CDH23: variants seen among roughly 807,000 people sequenced by gnomAD.
CDH23 encodes cadherin related 23.
In CDH23, 189 loss-of-function variants were observed where a neutral mutation model predicts 317.1. The ratio of observed to expected loss-of-function variants is 0.60; its 90% CI spans 0.53 to 0.67. The LOEUF is 0.67. Ranked by LOEUF, CDH23 falls within the 30% of genes least tolerant of loss-of-function variation. The pLI is 0.00. For synonymous variants in CDH23, 1,839 were observed against 1,876.8 expected (o/e 0.98, Z 0.52); for missense variants, 4,401 against 4,592.4 (o/e 0.96, Z 1.20).
intron 1 of CDH23, among the ~76,000 whole-genome samples, chr10:71,420,509 GTGATGATGGTGAAGGTGA>G (rs1848746657): frequency 6.3e-5 from 1 of 15,810 alleles, no homozygotes. Flanking sequence ...AATGGTGATG[GTGATGATGGTGAAGGTGA>G]TGATGATGAT....
chr10:71,655,313 A>T (rs1406418050), intron 14 of CDH23, among the ~76,000 whole-genome samples: 1 of 149,868 alleles, frequency 6.7e-6, no homozygotes, highest in African/African-American at 2.5e-5. Context: ...TACCCCTCAC[A>T]CCCTTCTCTC....
rs764784420 is a variant in CDH23, at chr10:71,805,981, C to T, written c.8048C>T (p.Ser2683Leu). ...IQTAQRLDRE[S>L]QAVYSLILVA... ...ACTGCTCAGCGCCTGGACCGCGAGT[C>T]GCAGGCGGTGTACAGCGTAAGGGCG... The change falls in exon 56 of 70, where the codon TCG becomes TTG. Residue 2683 changes from serine (S) to leucine (L), a missense_variant. Ser to Leu is a moderately radical substitution (Grantham distance 145, BLOSUM62 -2). This residue lies in a region of CDH23 where 1,144 missense variants were observed against 1,138.2 expected (regional missense o/e 1.01). Transcript: ENST00000224721. 5 of 1,606,986 alleles carry T rather than the reference C, an allele frequency of 3.1e-6. No individual in the cohort carries two copies. Among genetic ancestry groups the T allele is most frequent in the Admixed American group, 3.4e-5 (2 of 59,626 alleles).
chr10:71,693,912 C>T (rs1865276524), intron 20 of CDH23, among the ~76,000 whole-genome samples: 1 of 152,174 alleles, frequency 6.6e-6, no homozygotes, highest in African/African-American at 2.4e-5. Flanking sequence ...ATTTCCTCCT[C>T]ATGGGGTTAT....
rs763437495 is a variant in CDH23 at position 71,675,164 on chromosome 10, A to G, written c.1502A>G (p.Asp501Gly). The G allele has an allele frequency of 5.0e-6, 8 of 1,613,796 alleles. No homozygotes were observed. In the Admixed American group the frequency reaches 1.3e-4, roughly 27 times the overall value. Residue 501 changes from aspartate (D) to glycine (G), a missense_variant, in exon 15 of 70, where the codon GAT becomes GGT. Transcript: ENST00000224721. Reference sequence around the variant, plus strand: ...GGGGAAGTCAGCTACTTCTTCAGTGATGACCCTGACAGGTGAGACTCTGCC... The same window carrying G: ...GGGGAAGTCAGCTACTTCTTCAGTGGTGACCCTGACAGGTGAGACTCTGCC... ...TFGEVSYFFS[D>G]DPDRFSLDKD...
intron 1 of CDH23, among the ~76,000 whole-genome samples, chr10:71,402,363 C>T (rs554068885): frequency 2.2e-4 from 34 of 152,286 alleles, no homozygotes; most frequent in African/African-American, 7.9e-4. Context: ...GCATTCACTT[C>T]GTGATTTTCA....
chr10:71,430,932 C>T (rs1849341210), intron 1 of CDH23, among the ~76,000 whole-genome samples: 1 of 152,178 alleles, frequency 6.6e-6, no homozygotes, highest in Non-Finnish European at 1.5e-5. Flanking sequence ...TGAAATGGAA[C>T]AGTCCTCAGG....
At chr10:71,518,774 G>T (rs1344493736) in intron 6 of CDH23, among the ~76,000 whole-genome samples, 1 of 152,184 alleles carries the variant, frequency 6.6e-6, no homozygotes, top group Non-Finnish European at 1.5e-5. Flanking sequence ...TGGTTCTTAG[G>T]TGCCAAGGAG....
At position 71,397,207 on chromosome 10, in the gene CDH23, G is replaced by A; in HGVS notation, c.-117G>A. 4.1e-6 allele frequency: 1 copy of A among 244,054 alleles called. No individual in the cohort carries two copies. 15.1% of individuals were successfully genotyped at this position (244,054 alleles called of 1,614,324 possible). A position where few individuals can be genotyped will look rare whatever the true frequency, so the allele number is the denominator to read the frequency against. ...GCCGCGGATGAGCCTTCGCGCCGGC[G>A]GGAAGACGCGGCGGTGGCCAGGGCC... On this transcript the variant is annotated 5_prime_UTR_variant, in exon 1 of 70. Coordinates refer to ENST00000224721, the MANE Select transcript of CDH23 (RefSeq NM_022124.6). The surrounding 1 kb of genome is among the most constrained non-coding windows in gnomAD (Gnocchi z 4.8).
At chr10:71,428,271 G>A (rs1390825904) in intron 1 of CDH23, among the ~76,000 whole-genome samples, 1 of 150,884 alleles carries the variant, frequency 6.6e-6, no homozygotes, top group African/African-American at 2.4e-5. Flanking sequence ...CTGAGTAGCT[G>A]GAATTACAGG....
intron 11 of CDH23, among the ~76,000 whole-genome samples, chr10:71,627,869 A>G (rs188647558): frequency 4.3e-4 from 65 of 152,292 alleles, no homozygotes; most frequent in Admixed American, 1.1e-3. Flanking sequence ...GAAGACCCCA[A>G]TGGGAATCAG....
At chr10:71,813,192 C>G in intron 68 of CDH23, 52 bp from the exon 69 acceptor site, 1 of 1,488,696 alleles carries the variant, frequency 6.7e-7, no homozygotes. Flanking sequence ...GGGCGAGGGG[C>G]GGGGCAGGCA....
chr10:71,677,713 T>C lies in CDH23; in HGVS notation c.1752+20T>C. 6.6e-7 allele frequency: 1 copy of C among 1,521,354 alleles called. No individual in the cohort carries two copies. The highest frequency in any genetic ancestry group is 8.9e-7 in the Non-Finnish European group (1 of 1,119,532). 94.2% of individuals were successfully genotyped at this position (1,521,354 alleles called of 1,614,324 possible). On this transcript the variant is annotated intron_variant, in intron 16 of 69. Coordinates refer to ENST00000224721, the MANE Select transcript of CDH23 (RefSeq NM_022124.6). ...CTCCGGGTAAGGTGCCAGGGAGCCC[T>C]GCACTCCTGCCATTTATCTTAGCCT...
In CDH23 at chr10:71,738,564, G is replaced by A. The variant is rs727505099; in HGVS notation, c.4276G>A (p.Val1426Ile). 3.1e-6 allele frequency: 5 copies of A among 1,613,944 alleles called. No homozygotes were observed. Among genetic ancestry groups the A allele is most frequent in the Non-Finnish European group, 4.2e-6 (5 of 1,179,902 alleles). ...PRFDFTSDSA[V>I]SIPEDCPVGQ... ...GTTTGACTTCACCTCCGACTCGGCG[G>A]TCAGCATACCCGAGGACTGCCCTGT... is the stretch of plus-strand genomic sequence containing the variant. Residue 1426 changes from valine (V) to isoleucine (I), a missense_variant, in exon 35 of 70, where the codon GTC (valine) becomes ATC (isoleucine). Around this residue, in one of 3 missense-constraint regions of CDH23, gnomAD observed 3,068 missense variants for 3,203.3 expected, o/e 0.96. Transcript: ENST00000224721.
chr10:71,669,114 G>A (rs1302723949), intron 14 of CDH23, among the ~76,000 whole-genome samples: 2 of 152,228 alleles, frequency 1.3e-5, no homozygotes, highest in Non-Finnish European at 2.9e-5. Flanking sequence ...GCGCTGAGCG[G>A]CCATTGATCT....
chr10:71,721,337 C>T (rs548303296), intron 28 of CDH23, among the ~76,000 whole-genome samples: 83 of 152,272 alleles, frequency 5.5e-4, no homozygotes, highest in African/African-American at 1.9e-3. Flanking sequence ...CCAGCTCTGG[C>T]ATAAATCCAG....
chr10:71,627,419 G>A (rs535412520), intron 11 of CDH23, among the ~76,000 whole-genome samples: 7 of 152,208 alleles, frequency 4.6e-5, no homozygotes, highest in East Asian at 3.9e-4. Context: ...GTCCATGGCC[G>A]CATCCTATGG....
Position 71,702,653 on chromosome 10 carries a change from G to A in CDH23, c.2692G>A (p.Glu898Lys), listed in dbSNP as rs1013565672. ...PTFQNLPFVA[E>K]VLEGIPAGVS... ...CTTTCAGAACCTGCCTTTTGTGGCCGAGGTGCTTGAAGGCATCCCGGCGGG... is the reference window on the plus strand; with the variant it reads ...CTTTCAGAACCTGCCTTTTGTGGCCAAGGTGCTTGAAGGCATCCCGGCGGG... Residue 898 changes from glutamate (E) to lysine (K), a missense_variant, in exon 24 of 70, where the codon GAG (glutamate) becomes AAG (lysine). Glu to Lys is a moderately conservative substitution (Grantham distance 56). This residue lies in a region of CDH23 where 3,068 missense variants were observed against 3,203.3 expected (regional missense o/e 0.96). Coordinates refer to ENST00000224721, the MANE Select transcript of CDH23 (RefSeq NM_022124.6). 1.4e-5 allele frequency: 23 copies of A among 1,613,808 alleles called. No homozygotes were observed. The highest frequency in any genetic ancestry group is 6.7e-5 in the East Asian group (3 of 44,898).
intron 62 of CDH23, among the ~76,000 whole-genome samples, chr10:71,810,972 C>CCT (rs2132999805): frequency 6.7e-6 from 1 of 150,196 alleles, no homozygotes; most frequent in South Asian, 2.1e-4. Flanking sequence ...CCCAGCTACT[C>CCT]AGGAGGCTGA....
intron 16 of CDH23, 46 bp from the exon 17 acceptor site, chr10:71,679,341 C>T: frequency 1.6e-6 from 2 of 1,288,398 alleles, no homozygotes; most frequent in Non-Finnish European, 2.2e-6. Flanking sequence ...TTCTGGCCCC[C>T]AGTCTCCTGC....
Sources: allele counts gnomAD v4.1 joint callset (sites outside exome capture counted in the v4.1 genomes callset), GRCh38; gene constraint gnomAD v4.1.1; regional missense constraint gnomAD v4.1.1; non-coding constraint Gnocchi (gnomAD v3.1); transcripts MANE v1.5; gene names NCBI Gene and HGNC (gene_info 2026-07-23, HGNC 2026-07-21).